MTMR3: variants seen among roughly 807,000 people sequenced by gnomAD.
The protein encoded by MTMR3 is phosphatidylinositol-3,5-bisphosphate 3-phosphatase MTMR3.
Under a neutral mutation model 132.4 loss-of-function variants are expected in MTMR3, and 32 were observed. The ratio of observed to expected loss-of-function variants is 0.24; its 90% CI spans 0.18 to 0.32. The LOEUF (loss-of-function observed/expected upper bound fraction) is 0.32, where lower values mean the gene tolerates loss of function less well. MTMR3 is among the 10% of genes least tolerant of loss of function. The pLI, the probability that MTMR3 is intolerant of heterozygous loss-of-function variation, is 1.00. For synonymous variants in MTMR3, 556 were observed against 550.3 expected (o/e 1.01, Z -0.14); for missense variants, 1,216 against 1,489.6 (o/e 0.82, Z 3.02).
At position 30,030,639 on chromosome 22, in the gene MTMR3, G is replaced by C. The variant is rs58038262; in HGVS notation, c.*4838G>C. The C allele has an allele frequency of 0.18, 6,516 of 36,858 alleles. 203 individuals are homozygous for C. Among genetic ancestry groups the C allele is most frequent in the East Asian group, 0.31 (180 of 580 alleles). The allele number at this position is 36,858 out of a possible 1,614,324, so 2.3% of individuals were successfully genotyped here. A position where few individuals can be genotyped will look rare whatever the true frequency, so the allele number is the denominator to read the frequency against. ...GAGGGGCTCTCAGCGAGGAGGGGGC[G>C]GGGGGGGGGTCACTATTTATCTTCC... On this transcript the variant is annotated 3_prime_UTR_variant, in exon 20 of 20. Coordinates refer to ENST00000401950, the MANE Select transcript of MTMR3 (RefSeq NM_021090.4).
intron 1 of MTMR3, among the ~76,000 whole-genome samples, chr22:29,937,837 C>A (rs751716941): frequency 1.3e-5 from 2 of 152,096 alleles, no homozygotes; most frequent in Non-Finnish European, 2.9e-5. Flanking sequence ...TTTCACAAGC[C>A]TGTTTTTTTA....
intron 1 of MTMR3, among the ~76,000 whole-genome samples, chr22:29,883,896 T>G (rs2064607887): frequency 6.6e-6 from 1 of 152,124 alleles, no homozygotes; most frequent in South Asian, 2.1e-4. Flanking sequence ...CCTGACCTGG[T>G]AGTACTTAGG....
chr22:29,963,064 G>T (rs1471319989), intron 2 of MTMR3, among the ~76,000 whole-genome samples: 3 of 151,772 alleles, frequency 2.0e-5, no homozygotes, highest in Non-Finnish European at 4.4e-5. Flanking sequence ...GGGACTACAG[G>T]CACATGCCAG....
At position 29,907,936 on chromosome 22, in the gene MTMR3, T is replaced by C. The variant is rs1406240908; in HGVS notation, c.-138+24577T>C. Among the ~76,000 whole-genome samples, 5 of 152,196 alleles carry C rather than the reference T, an allele frequency of 3.3e-5. No individual in the cohort carries two copies. In the East Asian group the frequency reaches 9.6e-4, roughly 29 times the overall value. On this transcript the variant is annotated intron_variant, in intron 1 of 19. Transcript: ENST00000401950. Reference sequence around the variant, plus strand: ...CAGCTGACTCACCAAGGAGTAATGATAGACACTTTGAAAGGAGTGACCTGT... The same window carrying C: ...CAGCTGACTCACCAAGGAGTAATGACAGACACTTTGAAAGGAGTGACCTGT...
intron 1 of MTMR3, among the ~76,000 whole-genome samples, chr22:29,943,823 T>TC (rs1445948866): frequency 1.4e-5 from 2 of 140,244 alleles, no homozygotes; most frequent in Non-Finnish European, 3.1e-5. Context: ...CAACTTTTTT[T>TC]TTTCTTTCTT....
At position 30,020,534 on chromosome 22, in the gene MTMR3, G is replaced by T; in HGVS notation, c.2875G>T (p.Ala959Ser). Residue 959 changes from alanine to serine, a missense_variant, in exon 17 of 20, where the codon GCC becomes TCC. Transcript: ENST00000401950. Reference sequence around the variant, plus strand: ...GTACCCCACACCCAATGGGCATTGCGCCAATGGGGAGGCTGGTAGGAGCAA... The same window carrying T: ...GTACCCCACACCCAATGGGCATTGCTCCAATGGGGAGGCTGGTAGGAGCAA... ...QMYPTPNGHC[A>S]NGEAGRSKDS... is the part of the protein sequence containing the mutation. 1 of 1,614,164 alleles carries T rather than the reference G, an allele frequency of 6.2e-7. No homozygotes were observed. Among genetic ancestry groups the T allele is most frequent in the Non-Finnish European group, 8.5e-7 (1 of 1,180,038 alleles).
At chr22:29,884,652 T>C (rs1435184324) in intron 1 of MTMR3, among the ~76,000 whole-genome samples, 3 of 142,146 alleles carry the variant, frequency 2.1e-5, no homozygotes, top group African/African-American at 7.8e-5. Context: ...AACCTCCGCC[T>C]GCCAGGTTCT....
At position 29,940,507 on chromosome 22, in the gene MTMR3, G is replaced by A. The variant is rs144700943; in HGVS notation, c.-137-16529G>A. 6.9e-4 allele frequency among the ~76,000 whole-genome samples: 104 copies of A among 150,176 alleles called. 11 individuals carry two copies. The highest frequency in any genetic ancestry group is 2.5e-3 in the African/African-American group (97 of 39,588). ...CCTGTTTGGTGGACTCTCTTCACACGGATGCGTGTGACAATGACTGTACTT... is the reference window on the plus strand; with the variant it reads ...CCTGTTTGGTGGACTCTCTTCACACAGATGCGTGTGACAATGACTGTACTT... On this transcript the variant is annotated intron_variant, in intron 1 of 19. Coordinates refer to ENST00000401950, the MANE Select transcript of MTMR3 (RefSeq NM_021090.4).
chr22:29,976,951 C>G (rs1046317679), intron 3 of MTMR3, among the ~76,000 whole-genome samples: 2 of 152,044 alleles, frequency 1.3e-5, no homozygotes, highest in Admixed American at 1.3e-4. Flanking sequence ...GGTTATAATT[C>G]TTAATGCTGT....
At chr22:29,904,385 A>G (rs2065056283) in intron 1 of MTMR3, among the ~76,000 whole-genome samples, 1 of 152,246 alleles carries the variant, frequency 6.6e-6, no homozygotes, top group Non-Finnish European at 1.5e-5. Context: ...ACTTGAGTCC[A>G]GACATCAGGT....
rs530826008 is a variant in MTMR3, at chr22:29,923,218, G to GT, written c.-137-33807dup. Among the ~76,000 whole-genome samples the GT allele has an allele frequency of 5.6e-3, 811 of 144,672 alleles. 7 individuals carry two copies. Among genetic ancestry groups the GT allele is most frequent in the African/African-American group, 0.016 (636 of 39,664 alleles). The allele number at this position is 144,672 out of a possible 152,430, so 94.9% of individuals were successfully genotyped here. ...CACCACTCCCAGCTAATTTTTTGTAGTTTTTTTTTTTATTTTTATTTTTTA... is the reference window on the plus strand; with the variant it reads ...CACCACTCCCAGCTAATTTTTTGTAGTTTTTTTTTTTTATTTTTATTTTTTA... On this transcript the variant is annotated intron_variant, in intron 1 of 19. Transcript: ENST00000401950.
At chr22:30,011,337 A>G (rs1270658906) in intron 12 of MTMR3, 1 of 152,196 alleles carries the variant, frequency 6.6e-6, no homozygotes, top group East Asian at 1.9e-4. Context: ...TTAGCTTGTG[A>G]TTACTCCCAA....
At chr22:29,907,400 TA>T (rs917859236) in intron 1 of MTMR3, among the ~76,000 whole-genome samples, 2,651 of 143,704 alleles carry the variant, frequency 0.018, 89 homozygotes, top group African/African-American at 0.069. Flanking sequence ...GACTCTGTCT[TA>T]AAAAAAAAAA....
chr22:29,982,676 C>T (rs1410440853), intron 5 of MTMR3: 1 of 149,346 alleles, frequency 6.7e-6, no homozygotes, highest in East Asian at 1.9e-4. Flanking sequence ...TTTAATTTCA[C>T]AGCACATTGA....
At chr22:29,998,723 T>G in intron 7 of MTMR3, 38 bp from the exon 8 acceptor site, 1 of 1,517,248 alleles carries the variant, frequency 6.6e-7, no homozygotes, top group Non-Finnish European at 9.0e-7. Flanking sequence ...AAAATGGTAT[T>G]CATTTCTTCC....
intron 1 of MTMR3, among the ~76,000 whole-genome samples, chr22:29,948,094 T>A (rs758506737): frequency 6.6e-6 from 1 of 152,214 alleles, no homozygotes; most frequent in Non-Finnish European, 1.5e-5. Flanking sequence ...GAAGAGGGGA[T>A]TATTTTCATT....
intron 1 of MTMR3, among the ~76,000 whole-genome samples, chr22:29,934,256 A>T (rs2065704439): frequency 6.6e-6 from 1 of 152,132 alleles, no homozygotes; most frequent in African/African-American, 2.4e-5. Flanking sequence ...CCGGAGGCTG[A>T]CGCAGGAGAA....
intron 1 of MTMR3, among the ~76,000 whole-genome samples, chr22:29,923,943 C>T (rs371730781): frequency 2.0e-5 from 3 of 152,184 alleles, no homozygotes; most frequent in African/African-American, 7.2e-5. Flanking sequence ...TCTAAACATT[C>T]CTTAACAGAT....
At position 29,959,782 on chromosome 22, in the gene MTMR3, A is replaced by G. The variant is rs936723987; in HGVS notation, c.-85+2694A>G. Reference sequence around the variant, plus strand: ...TAATTTTTTTTTTTTTTTTTTTGACACAAGGTCTCACTCTTGCCCATGTTG... The same window carrying G: ...TAATTTTTTTTTTTTTTTTTTTGACGCAAGGTCTCACTCTTGCCCATGTTG... On this transcript the variant is annotated intron_variant, in intron 2 of 19. Coordinates refer to ENST00000401950, the MANE Select transcript of MTMR3 (RefSeq NM_021090.4). Among the ~76,000 whole-genome samples, 41 of 145,598 alleles carry G rather than the reference A, an allele frequency of 2.8e-4. 1 individual carries two copies. The highest frequency in any genetic ancestry group is 3.0e-5 in the Non-Finnish European group (2 of 66,712).
Sources: allele counts gnomAD v4.1 joint callset (sites outside exome capture counted in the v4.1 genomes callset), GRCh38; gene constraint gnomAD v4.1.1; transcripts MANE v1.5; gene names NCBI Gene and HGNC (gene_info 2026-07-23, HGNC 2026-07-21).